ZGRF1: variants seen among roughly 807,000 people sequenced by gnomAD.
The protein encoded by ZGRF1 is zinc finger GRF-type containing 1.
Under a neutral mutation model 203.5 loss-of-function variants are expected in ZGRF1, and 196 were observed. That is an observed-to-expected ratio of 0.96 (90% CI 0.86 to 1.08). The LOEUF (loss-of-function observed/expected upper bound fraction) is 1.08, where lower values mean the gene tolerates loss of function less well. Ranked by LOEUF, ZGRF1 falls within the 50% of genes least tolerant of loss-of-function variation. The pLI is 0.00. For missense variants in ZGRF1, 2,326 were observed against 2,416.3 expected (o/e 0.96, Z 0.78); for synonymous variants, 809 against 841.3 (o/e 0.96, Z 0.66).
chr4:112,587,991 G>A, intron 11 of ZGRF1, 62 bp from the exon 12 acceptor site: 2 of 1,271,750 alleles, frequency 1.6e-6, no homozygotes, highest in Non-Finnish European at 2.1e-6. Context: ...CTAGGCTCTA[G>A]AAAACAGTGG....
intron 22 of ZGRF1, among the ~76,000 whole-genome samples, chr4:112,552,353 A>T (rs1326546137): frequency 6.6e-6 from 1 of 152,110 alleles, no homozygotes; most frequent in Non-Finnish European, 1.5e-5. Flanking sequence ...GTCAGAGAAA[A>T]TTTCTAAAAA....
intron 24 of ZGRF1, among the ~76,000 whole-genome samples, chr4:112,546,072 G>GTAGTAATAATAATAATAA (rs1738694304): frequency 1.4e-5 from 2 of 147,254 alleles, no homozygotes; most frequent in African/African-American, 2.5e-5. Context: ...GTACTTTAAA[G>GTAGTAATAATAATAATAA]TAATAATAAT....
At chr4:112,557,356 G>A (rs1040723211) in intron 20 of ZGRF1, among the ~76,000 whole-genome samples, 9 of 152,064 alleles carry the variant, frequency 5.9e-5, no homozygotes, top group Admixed American at 2.0e-4. Context: ...TGTATTTTTA[G>A]TAAAGACGGG....
intron 16 of ZGRF1, among the ~76,000 whole-genome samples, chr4:112,575,493 GA>G (rs762986090): frequency 6.6e-6 from 1 of 152,216 alleles, no homozygotes; most frequent in Non-Finnish European, 1.5e-5. Flanking sequence ...CCTCACCCGG[GA>G]AGTGCAAGGG....
chr4:112,598,622 G>T (rs991280467), intron 10 of ZGRF1, among the ~76,000 whole-genome samples: 6 of 151,698 alleles, frequency 4.0e-5, no homozygotes, highest in African/African-American at 1.5e-4. Context: ...AAGCATCAAG[G>T]TGCTTTTATT....
At chr4:112,565,763 C>A (rs1742943165) in intron 16 of ZGRF1, among the ~76,000 whole-genome samples, 1 of 152,110 alleles carries the variant, frequency 6.6e-6, no homozygotes, top group Non-Finnish European at 1.5e-5. Flanking sequence ...CCATCACTGG[C>A]CATCAGAGAA....
rs757792061 is a variant in ZGRF1, at chr4:112,620,134, A to G, written c.219T>C (p.Val73=). 3 of 1,612,932 alleles carry G rather than the reference A, an allele frequency of 1.9e-6. No individual in the cohort carries two copies. In the East Asian group the frequency reaches 6.7e-5, roughly 36 times the overall value. Residue 73 remains valine (V), a synonymous_variant, in exon 5 of 28, where the codon GTT becomes GTC. Transcript: ENST00000505019. Reference sequence around the variant, plus strand: ...CAATACCTATGGCTCCAGCAACTTTAACCTCTTCAACTGTGATTAAGTATC... The same window carrying G: ...CAATACCTATGGCTCCAGCAACTTTGACCTCTTCAACTGTGATTAAGTATC... ...SDRYLITVEE[V]KVAGAIGIVK...
chr4:112,612,953 G>GAA (rs35134827), intron 6 of ZGRF1, among the ~76,000 whole-genome samples: 103,384 of 151,812 alleles, frequency 0.68, 35,624 homozygotes, highest in East Asian at 0.95. Flanking sequence ...CAACTGTTAG[G>GAA]AAAGAAAGTC....
rs2046948589 is a variant in ZGRF1 at position 112,618,172 on chromosome 4, C to T, written c.1870G>A (p.Gly624Arg). 1.2e-6 allele frequency: 2 copies of T among 1,613,608 alleles called. No homozygotes were observed. The highest frequency in any genetic ancestry group is 1.7e-6 in the Non-Finnish European group (2 of 1,179,808). The change falls in exon 6 of 28, where the codon GGA (glycine) becomes AGA (arginine). Residue 624 changes from glycine to arginine, a missense_variant. Gly to Arg is a moderately radical substitution (Grantham distance 125). Transcript: ENST00000505019. ...CDKTYVGFDM[G>R]ICKTENTGKE... Reference sequence around the variant, plus strand: ...CCTGTGTTTTCAGTTTTACATATTCCCATGTCAAAACCCACATAAGTTTTA... The same window carrying T: ...CCTGTGTTTTCAGTTTTACATATTCTCATGTCAAAACCCACATAAGTTTTA...
chr4:112,618,356 G>A lies in ZGRF1; in HGVS notation c.1686C>T (p.Asp562=). 6.2e-7 allele frequency: 1 copy of A among 1,613,800 alleles called. No homozygotes were observed. Among genetic ancestry groups the A allele is most frequent in the African/African-American group, 1.3e-5 (1 of 75,000 alleles). Reference sequence around the variant, plus strand: ...ATGAATTGCCATCATTAACCAAAATGTCCTTTACCCAACTCTCTGAATCCT... The same window carrying A: ...ATGAATTGCCATCATTAACCAAAATATCCTTTACCCAACTCTCTGAATCCT... ...ISQDSESWVK[D]ILVNDGNSCF... The change falls in exon 6 of 28, where the codon GAC becomes GAT. Residue 562 remains aspartate (D), a synonymous_variant. Transcript: ENST00000505019.
At chr4:112,599,777 C>A (rs1431337255) in intron 10 of ZGRF1, among the ~76,000 whole-genome samples, 1 of 151,832 alleles carries the variant, frequency 6.6e-6, no homozygotes, top group Admixed American at 6.6e-5. Context: ...AAATTGCAGA[C>A]CAATAAATCA....
At chr4:112,585,901 A>C (rs1747099657) in intron 13 of ZGRF1, among the ~76,000 whole-genome samples, 176 bp from the exon 14 acceptor site, 1 of 148,542 alleles carries the variant, frequency 6.7e-6, no homozygotes. Flanking sequence ...TAACACTTCT[A>C]GTTAAAAAAA....
chr4:112,585,180 G>C (rs1746955578), intron 14 of ZGRF1, among the ~76,000 whole-genome samples: 1 of 152,046 alleles, frequency 6.6e-6, no homozygotes, highest in Admixed American at 6.6e-5. Context: ...CAAGGCGGGA[G>C]GATGGCTTGA....
chr4:112,550,019 C>T (rs1002934945), intron 22 of ZGRF1, among the ~76,000 whole-genome samples: 4 of 152,088 alleles, frequency 2.6e-5, no homozygotes, highest in Admixed American at 6.5e-5. Context: ...GGTGAAACCC[C>T]GTCTCTACTA....
Position 112,633,153 on chromosome 4 carries a change from T to TA in ZGRF1, c.21+2dup. ...CCAAACTGTGAAAAATGGTAAAACT[T>TA]ACAATAAATTCTTGGCTTTCCATTA... On this transcript the variant is annotated splice_region_variant and intron_variant, in intron 2 of 27. Transcript: ENST00000505019. The TA allele has an allele frequency of 6.2e-7, 1 of 1,609,316 alleles. No homozygotes were observed. Among genetic ancestry groups the TA allele is most frequent in the East Asian group, 2.2e-5 (1 of 44,714 alleles).
In ZGRF1 at chr4:112,587,806, G is replaced by A. The variant is rs539876029; in HGVS notation, c.3251C>T (p.Ser1084Leu). Residue 1084 changes from serine (S) to leucine (L), a missense_variant, in exon 12 of 28, where the codon TCG becomes TTG. Ser to Leu is a moderately radical substitution (Grantham distance 145). Coordinates refer to ENST00000505019, the MANE Select transcript of ZGRF1 (RefSeq NM_018392.5). ...GTATGTGTTAGAGTTGATCATATACGAATGAGAGTCTAAGTCAGGTGGCCC... is the reference window on the plus strand; with the variant it reads ...GTATGTGTTAGAGTTGATCATATACAAATGAGAGTCTAAGTCAGGTGGCCC... The part of the protein sequence containing the change: ...TDGPPDLDSH[S>L]YMINSNTYES... 12 of 1,551,824 alleles carry A rather than the reference G, an allele frequency of 7.7e-6. No homozygotes were observed. In the Admixed American group the frequency reaches 9.8e-5, roughly 13 times the overall value.
chr4:112,606,736 C>T (rs1484314329), intron 8 of ZGRF1, among the ~76,000 whole-genome samples: 2 of 151,310 alleles, frequency 1.3e-5, no homozygotes, highest in African/African-American at 2.4e-5. Context: ...TATGTTAATG[C>T]AGATCATCTA....
chr4:112,623,709 A>G, intron 4 of ZGRF1, 108 bp downstream of exon 4: 1 of 640,394 alleles, frequency 1.6e-6, no homozygotes, highest in Middle Eastern at 4.1e-4. Flanking sequence ...ATGTTCAACA[A>G]ATACTATTAG....
chr4:112,578,648 C>T lies in ZGRF1; in HGVS notation c.4438+3015G>A, dbSNP rs1400223573. On this transcript the variant is annotated intron_variant, in intron 16 of 27. Transcript: ENST00000505019. ...TCAAAGAATACTATAAACACCTCTA[C>T]GCAAATAAACTAGAACATCTAGAAG... Among the ~76,000 whole-genome samples, 22 of 123,318 alleles carry T rather than the reference C, an allele frequency of 1.8e-4. 7 individuals carry two copies. The South Asian group carries it at 2.4e-3, about 13-fold the overall frequency. The allele number at this position is 123,318 out of a possible 152,430, so 80.9% of individuals were successfully genotyped here.
Sources: gnomAD v4.1 joint callset for allele counts (sites outside exome capture counted in the v4.1 genomes callset) on GRCh38, gnomAD v4.1.1 for gene constraint, MANE v1.5 for transcripts, NCBI Gene and HGNC (gene_info 2026-07-23, HGNC 2026-07-21) for gene names.